ARHGEF3: variants seen among roughly 807,000 people sequenced by gnomAD.
ARHGEF3 encodes the protein Rho guanine nucleotide exchange factor 3.
ARHGEF3 carries 28 observed loss-of-function variants against 63.2 expected under a neutral mutation model. The ratio of observed to expected loss-of-function variants is 0.44; its 90% CI spans 0.33 to 0.61. The LOEUF (loss-of-function observed/expected upper bound fraction) is 0.61, where lower values mean the gene tolerates loss of function less well. Among genes scored for constraint, ARHGEF3 ranks in the 20% least tolerant of loss-of-function variants. The pLI is 0.03. For missense variants in ARHGEF3, 533 were observed against 659.3 expected (o/e 0.81, Z 2.10); for synonymous variants, 266 against 254.2 (o/e 1.05, Z -0.44).
At chr3:56,898,774 T>C (rs1385189059) in intron 3 of ARHGEF3, 1 of 153,632 alleles carries the variant, frequency 6.5e-6, no homozygotes, top group African/African-American at 2.4e-5. Flanking sequence ...ACACACTTCA[T>C]GGCCAGGCGT....
At chr3:56,768,586 G>A (rs2035836436) in intron 2 of ARHGEF3, among the ~76,000 whole-genome samples, 2 of 147,386 alleles carry the variant, frequency 1.4e-5, no homozygotes, top group Admixed American at 6.9e-5. Flanking sequence ...TCCCCCCTAA[G>A]CTAGATAAAA....
intron 4 of ARHGEF3, among the ~76,000 whole-genome samples, chr3:56,834,182 C>T (rs936040999): frequency 2.6e-5 from 4 of 151,794 alleles, no homozygotes; most frequent in Admixed American, 6.6e-5. Flanking sequence ...GGATTACAAG[C>T]GTAAGCCACC....
At chr3:57,005,170 G>A (rs1702421673) in intron 2 of ARHGEF3, among the ~76,000 whole-genome samples, 1 of 152,140 alleles carries the variant, frequency 6.6e-6, no homozygotes, top group Non-Finnish European at 1.5e-5. Flanking sequence ...TTCAGAATTT[G>A]AGAGATTTGA....
chr3:57,001,921 T>G (rs924104831), intron 2 of ARHGEF3, among the ~76,000 whole-genome samples: 2 of 64,308 alleles, frequency 3.1e-5, no homozygotes, highest in East Asian at 5.4e-4. Context: ...GATAGTTTTT[T>G]TTTTTTTTGT....
intron 3 of ARHGEF3, chr3:56,940,036 TGAGA>T (rs371985725): frequency 6.6e-6 from 1 of 152,032 alleles, no homozygotes; most frequent in Non-Finnish European, 1.5e-5. Flanking sequence ...ATTCTGGCTC[TGAGA>T]GAGAGAGAAG....
intron 3 of ARHGEF3, among the ~76,000 whole-genome samples, chr3:56,917,127 C>T (rs976932274): frequency 2.6e-5 from 4 of 152,074 alleles, no homozygotes; most frequent in Admixed American, 2.6e-4. Flanking sequence ...TATAAAAAAC[C>T]CAGACCTCTT....
At chr3:56,822,280 C>T (rs1212778827) in intron 4 of ARHGEF3, among the ~76,000 whole-genome samples, 5 of 152,152 alleles carry the variant, frequency 3.3e-5, no homozygotes, top group Admixed American at 6.6e-5. Flanking sequence ...TAGGAAGTGG[C>T]ACAGCAGGAA....
intron 4 of ARHGEF3, among the ~76,000 whole-genome samples, chr3:56,807,400 A>C (rs781127159): frequency 1.3e-5 from 2 of 152,176 alleles, no homozygotes; most frequent in Non-Finnish European, 1.5e-5. Context: ...ATTGTAACCT[A>C]TGTGTTTACA....
chr3:56,897,454 G>A (rs1176767394), intron 3 of ARHGEF3, among the ~76,000 whole-genome samples: 2 of 152,098 alleles, frequency 1.3e-5, no homozygotes, highest in Non-Finnish European at 2.9e-5. Context: ...TGCTACGGGG[G>A]TGCCACTGCT....
At chr3:57,014,630 A>G (rs561635537) in intron 2 of ARHGEF3, among the ~76,000 whole-genome samples, 2 of 152,328 alleles carry the variant, frequency 1.3e-5, no homozygotes, top group South Asian at 4.1e-4. Flanking sequence ...AAACAGATTA[A>G]CAGTTAACAT....
At chr3:56,768,216 C>T (rs2035816255) in intron 2 of ARHGEF3, among the ~76,000 whole-genome samples, 1 of 152,016 alleles carries the variant, frequency 6.6e-6, no homozygotes, top group African/African-American at 2.4e-5. Context: ...TGCCACCACG[C>T]CCGGCTAATT....
In ARHGEF3 at chr3:57,077,625, C is replaced by A. The variant is rs75182857; in HGVS notation, c.-28+1601G>T. Among the ~76,000 whole-genome samples the A allele has an allele frequency of 6.3e-3, 966 of 152,188 alleles. 16 individuals carry two copies. The highest frequency in any genetic ancestry group is 0.022 in the African/African-American group (918 of 41,506). ...GTGGGAGAAGGTGACAAGATCAGGT[C>A]CCTGGACCCTTAAATAGACTCCCAC... On this transcript the variant is annotated intron_variant, in intron 1 of 12. Coordinates refer to the ARHGEF3 transcript ENST00000338458.
At chr3:56,868,266 T>TAA (rs1476715579) in intron 4 of ARHGEF3, among the ~76,000 whole-genome samples, 1 of 152,124 alleles carries the variant, frequency 6.6e-6, no homozygotes, top group Non-Finnish European at 1.5e-5. Context: ...GGTTGGCTTT[T>TAA]ACATAAAATA....
chr3:56,956,219 T>G (rs1344530692), intron 3 of ARHGEF3, among the ~76,000 whole-genome samples: 9 of 10,728 alleles, frequency 8.4e-4, no homozygotes, highest in Middle Eastern at 0.071. Flanking sequence ...GGGTTGGTGT[T>G]TTTTTTTTTT....
chr3:57,021,939 G>C (rs1259154368), intron 2 of ARHGEF3, among the ~76,000 whole-genome samples: 1 of 151,952 alleles, frequency 6.6e-6, no homozygotes, highest in South Asian at 2.1e-4. Flanking sequence ...AAAACTATTA[G>C]AGCAAACAGG....
At chr3:56,750,637 G>T (rs1578409358) in intron 6 of ARHGEF3, among the ~76,000 whole-genome samples, 1 of 142,692 alleles carries the variant, frequency 7.0e-6, no homozygotes, top group African/African-American at 2.6e-5. Flanking sequence ...ACTGCATTTT[G>T]ACCATGAGAA....
intron 7 of ARHGEF3, 151 bp from the exon 8 acceptor site, chr3:56,737,506 A>C (rs1438873528): frequency 5.1e-6 from 3 of 585,150 alleles, no homozygotes; most frequent in Non-Finnish European, 5.9e-6. Context: ...AAAAAAAAAA[A>C]ACATAAATAC....
At chr3:56,963,209 C>T (rs2106774988) in intron 2 of ARHGEF3, among the ~76,000 whole-genome samples, 1 of 151,972 alleles carries the variant, frequency 6.6e-6, no homozygotes, top group East Asian at 1.9e-4. Context: ...AATTCATGTA[C>T]TAAAAAAAAT....
At chr3:57,002,541 ATATGT>A (rs1467240053) in intron 2 of ARHGEF3, among the ~76,000 whole-genome samples, 4 of 80,692 alleles carry the variant, frequency 5.0e-5, no homozygotes, top group South Asian at 8.0e-4. Flanking sequence ...TATATGTAAT[ATATGT>A]TATGTTATAT....
Sources: gnomAD v4.1 joint callset for allele counts (sites outside exome capture counted in the v4.1 genomes callset) on GRCh38, gnomAD v4.1.1 for gene constraint, MANE v1.5 for transcripts, NCBI Gene and HGNC (gene_info 2026-07-23, HGNC 2026-07-21) for gene names.